Variants in HEMK2 observed in about 807,000 individuals in gnomAD.
HEMK2 encodes HemK methyltransferase 2, ETF1 glutamine and histone H4 lysine.
At chr21:28,717,226 T>C in the HEMK2 span, among the ~76,000 whole-genome samples, 1 of 152,146 alleles carries the variant, frequency 6.6e-6, no homozygotes, top group Admixed American at 6.5e-5. Flanking sequence ...AGAATTCAGA[T>C]ATGAATCCAT....
the HEMK2 span, among the ~76,000 whole-genome samples, chr21:28,697,800 TC>T: frequency 1.9e-4 from 13 of 67,982 alleles, no homozygotes; most frequent in Non-Finnish European, 3.1e-4. Context: ...AAAAAAAAAA[TC>T]TTTTCTTTAA....
the HEMK2 span, among the ~76,000 whole-genome samples, chr21:28,652,673 C>T: frequency 6.6e-6 from 1 of 152,048 alleles, no homozygotes. Flanking sequence ...CTTTAGACTA[C>T]CAGAAATAAA....
At chr21:28,721,902 A>T in the HEMK2 span, among the ~76,000 whole-genome samples, 4 of 125,336 alleles carry the variant, frequency 3.2e-5, no homozygotes, top group East Asian at 2.2e-4. Flanking sequence ...CTTAACCATC[A>T]CACACACACA....
the HEMK2 span, chr21:28,577,148 C>G: frequency 6.6e-6 from 1 of 152,210 alleles, no homozygotes; most frequent in African/African-American, 2.4e-5. Context: ...ACTGGAGCCA[C>G]TTACCTTAAT....
the HEMK2 span, chr21:28,874,831 G>A: frequency 6.6e-6 from 1 of 152,158 alleles, no homozygotes; most frequent in Admixed American, 6.5e-5. Flanking sequence ...CACTGGCCAC[G>A]GCCTATGAAT....
At chr21:28,715,672 T>C in the HEMK2 span, among the ~76,000 whole-genome samples, 1 of 152,218 alleles carries the variant, frequency 6.6e-6, no homozygotes, top group Non-Finnish European at 1.5e-5. Context: ...ATTTTTGTTT[T>C]TGTGGCAATT....
At chr21:28,728,654 T>C in the HEMK2 span, among the ~76,000 whole-genome samples, 1 of 152,192 alleles carries the variant, frequency 6.6e-6, no homozygotes, top group Non-Finnish European at 1.5e-5. Context: ...TGAATTTTGG[T>C]GAGCCTAATG....
the HEMK2 span, among the ~76,000 whole-genome samples, chr21:28,663,958 G>A: frequency 2.0e-5 from 3 of 152,128 alleles, no homozygotes; most frequent in Non-Finnish European, 4.4e-5. Flanking sequence ...GACTAACACC[G>A]ATGTATATAC....
chr21:28,641,556 T>C, the HEMK2 span, among the ~76,000 whole-genome samples: 1 of 152,142 alleles, frequency 6.6e-6, no homozygotes, highest in East Asian at 1.9e-4. Flanking sequence ...CAATGATGGA[T>C]AGAAGGTCAA....
the HEMK2 span, among the ~76,000 whole-genome samples, chr21:28,738,321 A>G: frequency 1.3e-5 from 2 of 152,214 alleles, no homozygotes; most frequent in South Asian, 2.1e-4. Flanking sequence ...TCCCAAAAAG[A>G]CAGCTGAAGT....
At chr21:28,774,070 T>C in the HEMK2 span, among the ~76,000 whole-genome samples, 1 of 152,154 alleles carries the variant, frequency 6.6e-6, no homozygotes, top group African/African-American at 2.4e-5. Context: ...TTTAGGCTTT[T>C]CACAAGTTGT....
the HEMK2 span, among the ~76,000 whole-genome samples, chr21:28,615,400 GTC>G: frequency 1.8e-3 from 252 of 142,034 alleles, no homozygotes; most frequent in Middle Eastern, 3.5e-3. Flanking sequence ...CTCTGTCGCT[GTC>G]TCTCTCTCTC....
At chr21:28,683,668 T>G in the HEMK2 span, among the ~76,000 whole-genome samples, 10,123 of 152,258 alleles carry the variant, frequency 0.066, 531 homozygotes, top group East Asian at 0.14. Context: ...TAGAACTCTC[T>G]GAAAGTCTTA....
the HEMK2 span, among the ~76,000 whole-genome samples, chr21:28,775,000 G>A: frequency 1.1e-3 from 171 of 152,276 alleles, 5 homozygotes; most frequent in South Asian, 0.019. Flanking sequence ...AGAAAGAAAG[G>A]ACTTTCCTTC....
the HEMK2 span, among the ~76,000 whole-genome samples, chr21:28,723,688 T>A: frequency 6.6e-6 from 1 of 152,296 alleles, no homozygotes; most frequent in East Asian, 1.9e-4. Context: ...TTGATAATCA[T>A]CCCCGCCTCA....
the HEMK2 span, among the ~76,000 whole-genome samples, chr21:28,830,169 A>G: frequency 6.6e-6 from 1 of 152,182 alleles, no homozygotes; most frequent in Non-Finnish European, 1.5e-5. Context: ...TACGGCAGAA[A>G]ATATTTGATA....
the HEMK2 span, among the ~76,000 whole-genome samples, chr21:28,581,663 G>A: frequency 2.6e-5 from 4 of 152,288 alleles, no homozygotes; most frequent in South Asian, 2.1e-4. Context: ...GGCCTAGATC[G>A]TTCCAGGCAG....
the HEMK2 span, among the ~76,000 whole-genome samples, chr21:28,655,187 T>C: frequency 6.6e-6 from 1 of 152,072 alleles, no homozygotes; most frequent in Admixed American, 6.6e-5. Context: ...GTTCTACTGT[T>C]GGAAAATACC....
chr21:28,637,094 C>T, the HEMK2 span, among the ~76,000 whole-genome samples: 7 of 152,172 alleles, frequency 4.6e-5, no homozygotes, highest in Non-Finnish European at 7.3e-5. Context: ...AAATCTTCTG[C>T]TAAGTCATTT....
Sources: gnomAD v4.1 joint callset for allele counts (sites outside exome capture counted in the v4.1 genomes callset) on GRCh38, gnomAD v4.1.1 for gene constraint, MANE v1.5 for transcripts, NCBI Gene and HGNC (gene_info 2026-07-23, HGNC 2026-07-21) for gene names.